NRG1: variants seen among roughly 807,000 people sequenced by gnomAD.
NRG1 encodes the protein pro-neuregulin-1, membrane-bound isoform.
In NRG1, 18 loss-of-function variants were observed where a neutral mutation model predicts 63.8. The ratio of observed to expected loss-of-function variants is 0.28; its 90% CI spans 0.19 to 0.42. The LOEUF (loss-of-function observed/expected upper bound fraction) is 0.42. NRG1 is among the 10% of genes least tolerant of loss of function. The pLI is 1.00. For synonymous variants in NRG1, 302 were observed against 301.3 expected, an observed-to-expected ratio of 1.00 and a Z score of -0.02; for missense variants, 762 against 814.7, an observed-to-expected ratio of 0.94 and a Z score of 0.79.
At chr8:32,201,283 G>T (rs1843475671) in intron 1 of NRG1, among the ~76,000 whole-genome samples, 1 of 152,154 alleles carries the variant, frequency 6.6e-6, no homozygotes, top group Admixed American at 6.5e-5. Context: ...GGAGGAAATG[G>T]AATGGAAGTG....
chr8:32,658,783 G>C (rs2128869464), intron 5 of NRG1, among the ~76,000 whole-genome samples: 1 of 152,228 alleles, frequency 6.6e-6, no homozygotes, highest in South Asian at 2.1e-4. Flanking sequence ...TATAGTTCTG[G>C]TCTCCTGCAG....
chr8:32,402,422 T>C (rs115253098), intron 1 of NRG1, among the ~76,000 whole-genome samples: 3,193 of 151,964 alleles, frequency 0.021, 113 homozygotes, highest in African/African-American at 0.073. Context: ...AAATGGAAAA[T>C]TTAAAAAAAA....
intron 7 of NRG1, among the ~76,000 whole-genome samples, chr8:32,754,116 T>C (rs1303275344): frequency 6.6e-6 from 1 of 152,238 alleles, no homozygotes; most frequent in African/African-American, 2.4e-5. Flanking sequence ...TATATCTCTA[T>C]AGCTTATAAT....
intron 1 of NRG1, among the ~76,000 whole-genome samples, chr8:31,872,279 T>C (rs1423692671): frequency 2.0e-5 from 3 of 152,214 alleles, no homozygotes; most frequent in African/African-American, 7.2e-5. Flanking sequence ...AGGGGACTCT[T>C]TCTGACAGCC....
intron 5 of NRG1, chr8:32,648,062 G>C (rs779930485): frequency 6.2e-7 from 1 of 1,614,068 alleles, no homozygotes; most frequent in Non-Finnish European, 8.5e-7. Context: ...TTGACCCTGG[G>C]GGGTTAGGCC....
At chr8:31,651,708 C>T (rs1804860573) in intron 1 of NRG1, among the ~76,000 whole-genome samples, 1 of 152,084 alleles carries the variant, frequency 6.6e-6, no homozygotes, top group Admixed American at 6.6e-5. Context: ...CTGACTTTTA[C>T]AATTTCTGCA....
At chr8:31,820,246 C>G (rs2129603409) in intron 1 of NRG1, among the ~76,000 whole-genome samples, 1 of 152,288 alleles carries the variant, frequency 6.6e-6, no homozygotes, top group Non-Finnish European at 1.5e-5. Context: ...CAGTGTTGCA[C>G]CGCATGAGAG....
intron 5 of NRG1, among the ~76,000 whole-genome samples, chr8:32,706,023 A>G (rs756298888): frequency 3.5e-4 from 53 of 152,382 alleles, no homozygotes; most frequent in Non-Finnish European, 6.8e-4. Context: ...CTAGATCTAA[A>G]GGATATTAAT....
At chr8:32,280,131 G>C (rs939443012) in intron 1 of NRG1, among the ~76,000 whole-genome samples, 1 of 152,196 alleles carries the variant, frequency 6.6e-6, no homozygotes, top group Non-Finnish European at 1.5e-5. Flanking sequence ...GAACAAACAA[G>C]AGCATTTGTC....
chr8:31,831,031 A>C (rs1230636498), intron 1 of NRG1, among the ~76,000 whole-genome samples: 2 of 152,168 alleles, frequency 1.3e-5, no homozygotes, highest in Non-Finnish European at 2.9e-5. Flanking sequence ...AAGACAGTCA[A>C]AAACTAATTA....
At chr8:32,151,988 T>C (rs1837550400) in intron 1 of NRG1, among the ~76,000 whole-genome samples, 1 of 152,210 alleles carries the variant, frequency 6.6e-6, no homozygotes, top group African/African-American at 2.4e-5. Flanking sequence ...ATCAGTGAGT[T>C]AGGCGAAGTG....
At chr8:32,012,305 A>G (rs915974169) in intron 1 of NRG1, among the ~76,000 whole-genome samples, 6 of 152,116 alleles carry the variant, frequency 3.9e-5, no homozygotes, top group African/African-American at 1.4e-4. Flanking sequence ...GACATGCATG[A>G]CAGTTAATCT....
At chr8:32,472,378 C>T (rs1823958729) in intron 1 of NRG1, among the ~76,000 whole-genome samples, 1 of 152,164 alleles carries the variant, frequency 6.6e-6, no homozygotes, top group Admixed American at 6.5e-5. Context: ...ACATATTGGT[C>T]AGGCTGGTCT....
chr8:32,454,711 A>G (rs1400103605), intron 1 of NRG1, among the ~76,000 whole-genome samples: 1 of 149,552 alleles, frequency 6.7e-6, no homozygotes, highest in Non-Finnish European at 1.5e-5. Flanking sequence ...TTAATTTAGT[A>G]TTGAAGAAAT....
intron 1 of NRG1, among the ~76,000 whole-genome samples, chr8:32,193,991 G>A (rs1226106914): frequency 6.6e-6 from 1 of 152,218 alleles, no homozygotes; most frequent in Non-Finnish European, 1.5e-5. Flanking sequence ...AGGGCAGTAA[G>A]ACAACCATGT....
chr8:32,230,345 A>C (rs1375112505), intron 1 of NRG1, among the ~76,000 whole-genome samples: 2 of 152,174 alleles, frequency 1.3e-5, no homozygotes, highest in Non-Finnish European at 2.9e-5. Context: ...AAATGTTGCT[A>C]AAGTAAGATG....
intron 1 of NRG1, among the ~76,000 whole-genome samples, chr8:32,503,059 G>A (rs1193165512): frequency 6.6e-6 from 1 of 151,974 alleles, no homozygotes; most frequent in Non-Finnish European, 1.5e-5. Flanking sequence ...GCTGAGATGG[G>A]CGGATCATGA....
chr8:32,386,009 T>C (rs552091508), intron 1 of NRG1, among the ~76,000 whole-genome samples: 1 of 152,178 alleles, frequency 6.6e-6, no homozygotes, highest in Non-Finnish European at 1.5e-5. Flanking sequence ...CTTACTTTTG[T>C]TTATTTATTT....
At chr8:32,242,047 C>T (rs1405041115) in intron 1 of NRG1, among the ~76,000 whole-genome samples, 3 of 152,144 alleles carry the variant, frequency 2.0e-5, no homozygotes, top group Non-Finnish European at 1.5e-5. Context: ...GCCTCCACAC[C>T]AGGCATTGTT....
Sources: gnomAD v4.1 joint callset for allele counts (sites outside exome capture counted in the v4.1 genomes callset) on GRCh38, gnomAD v4.1.1 for gene constraint, MANE v1.5 for transcripts, NCBI Gene and HGNC (gene_info 2026-07-23, HGNC 2026-07-21) for gene names.